IFT74: variants seen among roughly 807,000 people sequenced by gnomAD.
IFT74 encodes the protein intraflagellar transport protein 74 homolog.
IFT74 carries 92 observed loss-of-function variants against 96.7 expected under a neutral mutation model. The ratio of observed to expected loss-of-function variants is 0.95; its 90% confidence interval spans 0.80 to 1.13. The LOEUF is 1.13. IFT74 is among the 50% of genes most tolerant of loss of function. IFT74 has a pLI of 0.00. For synonymous variants in IFT74, 223 were observed against 213.2 expected, an observed-to-expected ratio of 1.05 and a Z score of -0.40; for missense variants, 811 against 698.2, an observed-to-expected ratio of 1.16 and a Z score of -1.82.
At chr9:27,012,987 G>GA (rs1242371196) in intron 10 of IFT74, among the ~76,000 whole-genome samples, 2 of 152,142 alleles carry the variant, frequency 1.3e-5, no homozygotes, top group African/African-American at 4.8e-5. Flanking sequence ...AAAGTGCTGG[G>GA]ATTATAGGCG....
In IFT74 at chr9:27,048,140, A is replaced by G; in HGVS notation, c.1207-8A>G. On this transcript the variant is annotated splice_region_variant and splice_polypyrimidine_tract_variant and intron_variant, in intron 15 of 19. Transcript: ENST00000380062. ...TTTTTTTCTATTTTTATTTCTCTGC[A>G]AATGCAGAATATAAATCGTATAGAA... 1 of 1,551,012 alleles carries G rather than the reference A, an allele frequency of 6.4e-7. No homozygotes were observed. The highest frequency in any genetic ancestry group is 1.4e-5 in the African/African-American group (1 of 72,478).
At chr9:27,017,148 G>C (rs1587360625) in intron 11 of IFT74, 98 bp downstream of exon 11, 3 of 897,612 alleles carry the variant, frequency 3.3e-6, no homozygotes, top group Admixed American at 2.7e-5. Flanking sequence ...AGTAAAGCTA[G>C]TAAGTGTATT....
At chr9:27,031,776 TAAAATAAATAAAATAAAATGTAAAATA>T (rs1331650164) in intron 13 of IFT74, among the ~76,000 whole-genome samples, 69 of 146,420 alleles carry the variant, frequency 4.7e-4, no homozygotes, top group Non-Finnish European at 4.6e-4. Context: ...TAAAATAAAA[TAAAATAAATAAAATAAAATGTAAAATA>T]AAATAAAATA....
At position 27,018,673 on chromosome 9, in the gene IFT74, C is replaced by A; in HGVS notation, c.960C>A (p.Ala320=). The A allele has an allele frequency of 1.3e-6, 2 of 1,532,100 alleles. No individual in the cohort carries two copies. Among genetic ancestry groups the A allele is most frequent in the Non-Finnish European group, 1.8e-6 (2 of 1,118,952 alleles). 94.9% of individuals were successfully genotyped at this position (1,532,100 alleles called of 1,614,324 possible). A position where few individuals can be genotyped will look rare whatever the true frequency, so the allele number is the denominator to read the frequency against. Residue 320 remains alanine, a synonymous_variant, in exon 12 of 20, where the codon GCC becomes GCA. Coordinates refer to ENST00000380062, the MANE Select transcript of IFT74 (RefSeq NM_025103.4). ...KQIKDDNQEI[A]SMERQLTDTK... is the part of the protein sequence containing the mutation. ...TTAAAGATGATAATCAGGAAATAGC[C>A]AGCATGGAAAGACAGTAAGTATCTT...
At chr9:27,038,924 C>G (rs1242856135) in intron 13 of IFT74, among the ~76,000 whole-genome samples, 5 of 152,158 alleles carry the variant, frequency 3.3e-5, no homozygotes, top group Non-Finnish European at 7.3e-5. Flanking sequence ...AAAGGAGAAA[C>G]AGCTTCCTAG....
chr9:26,960,076 G>C (rs1004941671), intron 1 of IFT74, among the ~76,000 whole-genome samples: 5 of 152,146 alleles, frequency 3.3e-5, no homozygotes, highest in African/African-American at 4.8e-5. Flanking sequence ...GGTATCACTA[G>C]TGACTTCTTG....
chr9:27,037,665 C>G (rs1254188015), intron 13 of IFT74, among the ~76,000 whole-genome samples: 1 of 152,214 alleles, frequency 6.6e-6, no homozygotes, highest in Non-Finnish European at 1.5e-5. Context: ...TACTCTGGTG[C>G]TATGTGGCAA....
chr9:26,968,730 C>T (rs1427507478), intron 2 of IFT74, among the ~76,000 whole-genome samples: 1 of 152,004 alleles, frequency 6.6e-6, no homozygotes. Context: ...TCTAATGATC[C>T]TTTGAGTTTC....
At chr9:26,973,216 G>C (rs1826955314) in intron 2 of IFT74, among the ~76,000 whole-genome samples, 1 of 152,174 alleles carries the variant, frequency 6.6e-6, no homozygotes, top group Non-Finnish European at 1.5e-5. Flanking sequence ...GTAACGGTTG[G>C]GGACAACAGG....
At position 27,017,568 on chromosome 9, in the gene IFT74, A is replaced by G. The variant is rs143758474; in HGVS notation, c.933+518A>G. ...TAGGTGAAGCTAACTTTTCCTTATTAGGAATACTTGAAACTCTTCTTTATT... is the reference window on the plus strand; with the variant it reads ...TAGGTGAAGCTAACTTTTCCTTATTGGGAATACTTGAAACTCTTCTTTATT... On this transcript the variant is annotated intron_variant, in intron 11 of 19. Coordinates refer to ENST00000380062, the MANE Select transcript of IFT74 (RefSeq NM_025103.4). Among the ~76,000 whole-genome samples the G allele has an allele frequency of 2.9e-3, 449 of 152,312 alleles. 1 individual carries two copies. The highest frequency in any genetic ancestry group is 5.0e-3 in the Non-Finnish European group (339 of 68,022).
chr9:26,990,463 A>T (rs1364370941), intron 8 of IFT74, among the ~76,000 whole-genome samples: 2 of 152,204 alleles, frequency 1.3e-5, no homozygotes, highest in Non-Finnish European at 2.9e-5. Flanking sequence ...ATGGATAAGA[A>T]CATCTTTATA....
chr9:27,030,131 G>A (rs1384863610), intron 13 of IFT74, among the ~76,000 whole-genome samples: 2 of 152,146 alleles, frequency 1.3e-5, no homozygotes, highest in African/African-American at 2.4e-5. Flanking sequence ...ATTCTCCATA[G>A]CATTTTAATC....
At chr9:27,003,769 G>A (rs1828629456) in intron 8 of IFT74, among the ~76,000 whole-genome samples, 1 of 152,196 alleles carries the variant, frequency 6.6e-6, no homozygotes, top group African/African-American at 2.4e-5. Flanking sequence ...AAATTTGGAT[G>A]TAGATCATAA....
intron 13 of IFT74, among the ~76,000 whole-genome samples, chr9:27,043,260 C>CA (rs1474222907): frequency 1.3e-5 from 2 of 152,206 alleles, no homozygotes; most frequent in African/African-American, 4.8e-5. Context: ...GAAGCCTTAA[C>CA]ATAAGATTTT....
At chr9:27,036,535 T>C in intron 13 of IFT74, 23 of 1,611,048 alleles carry the variant, frequency 1.4e-5, no homozygotes, top group Non-Finnish European at 2.0e-5. Context: ...TGCTAAGCAC[T>C]ATGCTGAATC....
chr9:27,019,385 A>G (rs1043548490), intron 12 of IFT74, among the ~76,000 whole-genome samples: 8 of 152,008 alleles, frequency 5.3e-5, no homozygotes, highest in African/African-American at 1.2e-4. Context: ...GAATCATTCA[A>G]TATGTGCTTC....
intron 12 of IFT74, among the ~76,000 whole-genome samples, chr9:27,028,584 C>T (rs892927965): frequency 1.3e-5 from 2 of 151,952 alleles, no homozygotes; most frequent in African/African-American, 2.4e-5. Context: ...GGTGAAACCC[C>T]GTCTCTACTA....
chr9:26,948,576 C>G (rs1825833277), intron 1 of IFT74, among the ~76,000 whole-genome samples: 1 of 148,518 alleles, frequency 6.7e-6, no homozygotes, highest in African/African-American at 2.5e-5. Flanking sequence ...TCAAGCGATT[C>G]CTGCCTCAGC....
At chr9:27,061,841 T>C (rs1182448710) in intron 19 of IFT74, among the ~76,000 whole-genome samples, 1 of 152,128 alleles carries the variant, frequency 6.6e-6, no homozygotes, top group Non-Finnish European at 1.5e-5. Context: ...AACTCCATTA[T>C]ATGTCTACAA....
Sources: allele counts gnomAD v4.1 joint callset (sites outside exome capture counted in the v4.1 genomes callset), GRCh38; gene constraint gnomAD v4.1.1; transcripts MANE v1.5; gene names NCBI Gene and HGNC (gene_info 2026-07-23, HGNC 2026-07-21).